Variants in DNAJC5B observed in about 807,000 individuals in gnomAD.
The protein encoded by DNAJC5B is DnaJ heat shock protein family (Hsp40) member C5 beta.
A neutral mutation model predicts 24.7 loss-of-function variants in DNAJC5B; 23 were observed. The ratio of observed to expected loss-of-function variants is 0.93; its 90% confidence interval spans 0.67 to 1.32. The LOEUF (loss-of-function observed/expected upper bound fraction) is 1.32, where lower values mean the gene tolerates loss of function less well. Among genes scored for constraint, DNAJC5B ranks in the 40% most tolerant of loss-of-function variants. DNAJC5B has a pLI of 0.00. For missense variants in DNAJC5B, 238 were observed against 240.8 expected (o/e 0.99, Z 0.08); for synonymous variants, 101 against 90.1 (o/e 1.12, Z -0.68).
intron 3 of DNAJC5B, among the ~76,000 whole-genome samples, chr8:66,065,703 A>G (rs1807177112): frequency 6.6e-6 from 1 of 152,210 alleles, no homozygotes; most frequent in Non-Finnish European, 1.5e-5. Context: ...AGGCAATAAC[A>G]CATCATAAGC....
intron 5 of DNAJC5B, among the ~76,000 whole-genome samples, chr8:66,082,790 T>C (rs1807625539): frequency 6.6e-6 from 1 of 151,982 alleles, no homozygotes. Flanking sequence ...TGAATATATA[T>C]TTAGAATGAG....
At chr8:66,055,878 G>A (rs1166529310) in intron 3 of DNAJC5B, among the ~76,000 whole-genome samples, 3 of 152,160 alleles carry the variant, frequency 2.0e-5, no homozygotes, top group African/African-American at 7.2e-5. Flanking sequence ...GGAGGCAGAG[G>A]TTGCAGTGAG....
chr8:66,032,016 T>A (rs1045680001), intron 1 of DNAJC5B, among the ~76,000 whole-genome samples: 6 of 152,256 alleles, frequency 3.9e-5, no homozygotes, highest in African/African-American at 1.4e-4. Flanking sequence ...GAAAGTAGTC[T>A]TATTCCCATT....
intron 5 of DNAJC5B, among the ~76,000 whole-genome samples, chr8:66,094,729 T>G (rs1336306771): frequency 6.6e-6 from 1 of 152,100 alleles, no homozygotes; most frequent in Non-Finnish European, 1.5e-5. Context: ...CAGGGTTGCA[T>G]CATAATTAGT....
chr8:66,072,886 G>C lies in DNAJC5B; in HGVS notation c.120-3774G>C, dbSNP rs28396616. 3.9e-5 allele frequency among the ~76,000 whole-genome samples: 6 copies of C among 151,948 alleles called. No individual in the cohort carries two copies. In the South Asian group the frequency reaches 1.2e-3, roughly 32 times the overall value. ...AAAACTCAATCAATCACATTAACAG[G>C]CCAAAAGAGAAACAAGATATCTCCT... On this transcript the variant is annotated intron_variant, in intron 3 of 5. Coordinates refer to ENST00000276570, the MANE Select transcript of DNAJC5B (RefSeq NM_033105.6).
intron 1 of DNAJC5B, among the ~76,000 whole-genome samples, chr8:66,022,794 C>T (rs575352030): frequency 2.6e-5 from 4 of 152,192 alleles, no homozygotes; most frequent in Non-Finnish European, 5.9e-5. Context: ...TCATAGCACA[C>T]ATTCAACTTC....
At chr8:66,088,240 A>G (rs1807771356) in intron 5 of DNAJC5B, among the ~76,000 whole-genome samples, 2 of 152,198 alleles carry the variant, frequency 1.3e-5, no homozygotes, top group Admixed American at 1.3e-4. Context: ...GGCCCCTTCC[A>G]GCCTCATCTG....
intron 4 of DNAJC5B, among the ~76,000 whole-genome samples, chr8:66,078,745 A>G (rs1163316521): frequency 6.6e-6 from 1 of 152,186 alleles, no homozygotes; most frequent in Non-Finnish European, 1.5e-5. Flanking sequence ...TAAATTTTCC[A>G]TAGCAAAGAG....
upstream of DNAJC5B, among the ~76,000 whole-genome samples, chr8:66,020,594 CTGTG>C (rs10526018): frequency 0.087 from 11,451 of 131,840 alleles, 548 homozygotes; most frequent in East Asian, 0.15. Flanking sequence ...AATCAATACT[CTGTG>C]TGTGTGTGTG....
chr8:66,098,972 T>C (rs970326650), intron 5 of DNAJC5B, among the ~76,000 whole-genome samples: 12 of 151,676 alleles, frequency 7.9e-5, no homozygotes, highest in African/African-American at 2.9e-4. Context: ...ATATGTAATC[T>C]CTGTCTCTCT....
intron 5 of DNAJC5B, among the ~76,000 whole-genome samples, chr8:66,084,928 G>A (rs756572998): frequency 5.3e-5 from 8 of 151,990 alleles, no homozygotes; most frequent in Non-Finnish European, 1.2e-4. Flanking sequence ...TTTTCTAAAA[G>A]TTTCTGAGTT....
intron 5 of DNAJC5B, among the ~76,000 whole-genome samples, chr8:66,089,703 G>A (rs1291179642): frequency 6.6e-6 from 1 of 152,116 alleles, no homozygotes; most frequent in African/African-American, 2.4e-5. Flanking sequence ...GTAGCAGAAG[G>A]GAGAGATTTG....
intron 3 of DNAJC5B, among the ~76,000 whole-genome samples, chr8:66,058,499 C>A (rs1197131653): frequency 6.6e-6 from 1 of 152,224 alleles, no homozygotes; most frequent in Non-Finnish European, 1.5e-5. Context: ...GGAATCACAA[C>A]TTCCCACTAC....
chr8:66,024,404 C>CTTTTTTTTTTTTTTTTTTATTTT (rs989285742), intron 1 of DNAJC5B, among the ~76,000 whole-genome samples: 1 of 109,392 alleles, frequency 9.1e-6, no homozygotes. Context: ...TTTCAGGATT[C>CTTTTTTTTTTTTTTTTTTATTTT]TTTTTTTTTT....
At chr8:66,098,479 G>A (rs1383157264) in intron 5 of DNAJC5B, among the ~76,000 whole-genome samples, 3 of 152,182 alleles carry the variant, frequency 2.0e-5, no homozygotes, top group Admixed American at 6.5e-5. Flanking sequence ...GGGATTACAG[G>A]AGTAAGCCAC....
intron 3 of DNAJC5B, among the ~76,000 whole-genome samples, chr8:66,073,429 G>C (rs1807393519): frequency 6.6e-6 from 1 of 151,980 alleles, no homozygotes; most frequent in Non-Finnish European, 1.5e-5. Context: ...TTAATCTATA[G>C]AGTCAATGCA....
At chr8:66,022,914 T>C (rs1474329015) in intron 1 of DNAJC5B, among the ~76,000 whole-genome samples, 1 of 152,250 alleles carries the variant, frequency 6.6e-6, no homozygotes, top group Non-Finnish European at 1.5e-5. Flanking sequence ...CCTTCATTGA[T>C]AGCCATTGAA....
At chr8:66,079,826 G>A (rs1245320414) in intron 4 of DNAJC5B, among the ~76,000 whole-genome samples, 1 of 152,186 alleles carries the variant, frequency 6.6e-6, no homozygotes, top group Non-Finnish European at 1.5e-5. Context: ...ACATAGTGAA[G>A]GTCTGTTCTG....
At position 66,101,001 on chromosome 8, in the gene DNAJC5B, A is replaced by G. The variant is rs1238984365; in HGVS notation, c.*970A>G. 6.6e-6 allele frequency among the ~76,000 whole-genome samples: 1 copy of G among 152,140 alleles called. No homozygotes were observed. Among genetic ancestry groups the G allele is most frequent in the Non-Finnish European group, 1.5e-5 (1 of 68,016 alleles). ...TATTATGTGGTAGAAACCATGTGCT[A>G]TTTCTAAAATACTATGGCAGAAAAA... is the stretch of plus-strand genomic sequence containing the variant. On this transcript the variant is annotated 3_prime_UTR_variant, in exon 6 of 6. Coordinates refer to ENST00000276570, the MANE Select transcript of DNAJC5B (RefSeq NM_033105.6).
Sources: gnomAD v4.1 joint callset for allele counts (sites outside exome capture counted in the v4.1 genomes callset) on GRCh38, gnomAD v4.1.1 for gene constraint, MANE v1.5 for transcripts, NCBI Gene and HGNC (gene_info 2026-07-23, HGNC 2026-07-21) for gene names.